Variants in MPPED2 observed in about 807,000 individuals in gnomAD.
The protein encoded by MPPED2 is metallophosphoesterase MPPED2.
Under a neutral mutation model 33.0 loss-of-function variants are expected in MPPED2, and 5 were observed. That is an observed-to-expected ratio of 0.15 (90% CI 0.08 to 0.32). The LOEUF (loss-of-function observed/expected upper bound fraction) is 0.32, where lower values mean the gene tolerates loss of function less well. MPPED2 is among the 10% of genes least tolerant of loss of function. The pLI is 1.00. For missense variants in MPPED2, 275 were observed against 372.1 expected (o/e 0.74, Z 2.15); for synonymous variants, 136 against 141.9 (o/e 0.96, Z 0.29).
At chr11:30,458,795 A>G (rs1950389084) in intron 4 of MPPED2, among the ~76,000 whole-genome samples, 1 of 152,128 alleles carries the variant, frequency 6.6e-6, no homozygotes, top group Admixed American at 6.5e-5. Flanking sequence ...CAAAGCTGAG[A>G]CTTGTATTCA....
chr11:30,511,354 G>C (rs142388183), intron 3 of MPPED2, among the ~76,000 whole-genome samples: 459 of 152,238 alleles, frequency 3.0e-3, no homozygotes, highest in African/African-American at 8.2e-3. Context: ...GGGAGCAACA[G>C]ATAATAAAGA....
chr11:30,521,884 T>G (rs1268197795), intron 3 of MPPED2, among the ~76,000 whole-genome samples: 2 of 152,160 alleles, frequency 1.3e-5, no homozygotes, highest in Non-Finnish European at 2.9e-5. Flanking sequence ...AGTTGCAGCA[T>G]CTGGAGCTGC....
At chr11:30,435,501 C>CA (rs1440943563) in intron 4 of MPPED2, among the ~76,000 whole-genome samples, 1 of 152,210 alleles carries the variant, frequency 6.6e-6, no homozygotes, top group Non-Finnish European at 1.5e-5. Context: ...AATACACACA[C>CA]AAAATCTATG....
chr11:30,559,775 TG>T (rs2061546526), intron 2 of MPPED2, among the ~76,000 whole-genome samples: 1 of 152,244 alleles, frequency 6.6e-6, no homozygotes, highest in Non-Finnish European at 1.5e-5. Flanking sequence ...AAGGGCATTT[TG>T]TATCAAGCAC....
chr11:30,502,453 A>G (rs1375576420), intron 3 of MPPED2, among the ~76,000 whole-genome samples: 2 of 152,184 alleles, frequency 1.3e-5, no homozygotes. Context: ...CTCATGCTGT[A>G]ACAATTAAAA....
downstream of MPPED2, among the ~76,000 whole-genome samples, chr11:30,407,930 A>T (rs561200413): frequency 6.6e-6 from 1 of 152,048 alleles, no homozygotes; most frequent in Non-Finnish European, 1.5e-5. Flanking sequence ...TATTTTTTTA[A>T]AAAGGTACAG....
chr11:30,566,489 C>G (rs1453965151), intron 2 of MPPED2, among the ~76,000 whole-genome samples: 1 of 152,064 alleles, frequency 6.6e-6, no homozygotes, highest in Non-Finnish European at 1.5e-5. Flanking sequence ...CAGCTCCATC[C>G]TGAAAAAAAC....
intron 4 of MPPED2, 136 bp downstream of exon 4, chr11:30,495,160 T>C: frequency 1.5e-6 from 1 of 659,210 alleles, no homozygotes; most frequent in South Asian, 1.9e-5. Context: ...CAGTACAGTA[T>C]GTATTTTGTT....
chr11:30,424,387 C>A (rs969725324), intron 4 of MPPED2, among the ~76,000 whole-genome samples: 23 of 152,296 alleles, frequency 1.5e-4, no homozygotes, highest in Middle Eastern at 3.4e-3. Context: ...CAACCTTCTT[C>A]ACGCCTGGCA....
At chr11:30,416,667 A>G (rs1041100138) in intron 5 of MPPED2, among the ~76,000 whole-genome samples, 11 of 152,300 alleles carry the variant, frequency 7.2e-5, no homozygotes, top group African/African-American at 1.4e-4. Flanking sequence ...GTTTAGCCAC[A>G]ATTTTAAAAA....
At position 30,410,777 on chromosome 11, in the gene MPPED2, C is replaced by A. The variant is rs753237549; in HGVS notation, c.*691G>T. 4.6e-5 allele frequency: 45 copies of A among 985,074 alleles called. No homozygotes were observed. Among genetic ancestry groups the A allele is most frequent in the Non-Finnish European group, 4.9e-5 (41 of 829,358 alleles). 61.0% of individuals were successfully genotyped at this position (985,074 alleles called of 1,614,324 possible). Reference sequence around the variant, plus strand: ...TTTTTTTAACCGTATGAAATACCTGCTCTTGACAGATTCCATTTCTGTATT... The same window carrying A: ...TTTTTTTAACCGTATGAAATACCTGATCTTGACAGATTCCATTTCTGTATT... On this transcript the variant is annotated 3_prime_UTR_variant, in exon 7 of 7. Transcript: ENST00000358117.
intron 4 of MPPED2, among the ~76,000 whole-genome samples, chr11:30,489,052 CT>C (rs35619209): frequency 0.4 from 55,879 of 140,896 alleles, 12,452 homozygotes; most frequent in African/African-American, 0.66. Context: ...TCTTCTTCTC[CT>C]TTTTTTTTTT....
At chr11:30,401,680 ATTTT>A (rs532384507) in intron 6 of MPPED2, among the ~76,000 whole-genome samples, 72 of 152,162 alleles carry the variant, frequency 4.7e-4, no homozygotes, top group African/African-American at 1.6e-3. Flanking sequence ...ACTACATAAG[ATTTT>A]TTTGTTTGTT....
At chr11:30,455,041 G>A (rs1950222578) in intron 4 of MPPED2, among the ~76,000 whole-genome samples, 1 of 152,208 alleles carries the variant, frequency 6.6e-6, no homozygotes, top group Non-Finnish European at 1.5e-5. Flanking sequence ...CACACCAAAT[G>A]CTACTGCATA....
chr11:30,432,990 C>T (rs1949150159), intron 4 of MPPED2, among the ~76,000 whole-genome samples: 1 of 152,230 alleles, frequency 6.6e-6, no homozygotes, highest in Admixed American at 6.5e-5. Context: ...ATACTAGGCA[C>T]ATGTTTCTCC....
intron 2 of MPPED2, among the ~76,000 whole-genome samples, chr11:30,552,729 T>A (rs921393556): frequency 3.3e-5 from 5 of 152,198 alleles, no homozygotes; most frequent in African/African-American, 1.2e-4. Context: ...TTGTCACAAT[T>A]TTCTTAACCA....
exon 7 of MPPED2, chr11:30,388,920 T>G: frequency 6.4e-7 from 1 of 1,567,504 alleles, no homozygotes; most frequent in Non-Finnish European, 8.7e-7. Flanking sequence ...AGAACATATT[T>G]TTGTCCTCAG....
intron 3 of MPPED2, among the ~76,000 whole-genome samples, chr11:30,517,079 G>T (rs181808170): frequency 5.1e-4 from 78 of 152,242 alleles, no homozygotes; most frequent in Admixed American, 9.8e-4. Context: ...ATTTTAAATT[G>T]AATTACACAG....
intron 2 of MPPED2, among the ~76,000 whole-genome samples, chr11:30,576,861 G>A (rs544797461): frequency 2.7e-5 from 4 of 150,940 alleles, no homozygotes; most frequent in Non-Finnish European, 5.9e-5. Context: ...CTTTCCCAAG[G>A]TCATACAGGA....
Sources: allele counts gnomAD v4.1 joint callset (sites outside exome capture counted in the v4.1 genomes callset), GRCh38; gene constraint gnomAD v4.1.1; transcripts MANE v1.5; gene names NCBI Gene and HGNC (gene_info 2026-07-23, HGNC 2026-07-21).